The following IL2RB variants were observed in gnomAD, a reference collection of about 807,000 sequenced individuals.
The protein encoded by IL2RB is interleukin-2 receptor subunit beta.
Under a neutral mutation model 44.2 loss-of-function variants are expected in IL2RB, and 17 were observed. The ratio of observed to expected loss-of-function variants is 0.38; its 90% CI spans 0.26 to 0.58. The LOEUF (loss-of-function observed/expected upper bound fraction) is 0.58. Among genes scored for constraint, IL2RB ranks in the 20% least tolerant of loss-of-function variants. The pLI, the probability that IL2RB is intolerant of heterozygous loss-of-function variation, is 0.63. For missense variants in IL2RB, 624 were observed against 685.5 expected, an observed-to-expected ratio of 0.91 and a Z score of 1.00; for synonymous variants, 286 against 297.9, an observed-to-expected ratio of 0.96 and a Z score of 0.41.
Position 37,126,661 on chromosome 22 carries a change from G to A in IL2RB, c.*1435C>T, listed in dbSNP as rs1921127375. 1 of 152,356 alleles carries A rather than the reference G, an allele frequency of 6.6e-6. No individual in the cohort carries two copies. Among genetic ancestry groups the A allele is most frequent in the South Asian group, 2.1e-4 (1 of 4,830 alleles). 9.4% of individuals were successfully genotyped at this position (152,356 alleles called of 1,614,324 possible). On this transcript the variant is annotated 3_prime_UTR_variant, in exon 10 of 10. Transcript: ENST00000216223. ...GCTGTGAGCAAGGCCTGTAAGTGCA[G>A]GTGCCTGAGGGCTCCCAGGTCAGAG...
At chr22:37,136,017 C>T (rs1273600748) in intron 7 of IL2RB, among the ~76,000 whole-genome samples, 1 of 152,120 alleles carries the variant, frequency 6.6e-6, no homozygotes, top group Non-Finnish European at 1.5e-5. Context: ...CCTTTCGACC[C>T]CTCCCCAACT....
At chr22:37,145,874 C>T (rs1190016354) in intron 1 of IL2RB, among the ~76,000 whole-genome samples, 2 of 152,076 alleles carry the variant, frequency 1.3e-5, no homozygotes, top group Admixed American at 6.5e-5. Flanking sequence ...GCTCCAAACT[C>T]GAGCTCTCAC....
intron 1 of IL2RB, among the ~76,000 whole-genome samples, chr22:37,170,428 C>T (rs913457121): frequency 4.4e-4 from 67 of 151,996 alleles, no homozygotes; most frequent in African/African-American, 1.6e-3. Context: ...AGGCCAGCAG[C>T]GGGGGCAGAC....
chr22:37,150,212 CCCCCACG>C (rs1181009122), upstream of IL2RB, among the ~76,000 whole-genome samples: 23 of 151,966 alleles, frequency 1.5e-4, no homozygotes, highest in Non-Finnish European at 2.8e-4. Context: ...TCCTACATCA[CCCCCACG>C]CCAACTCACA....
At chr22:37,152,427 C>A (rs1190722302), upstream of IL2RB, among the ~76,000 whole-genome samples, 1 of 152,138 alleles carries the variant, frequency 6.6e-6, no homozygotes, top group Non-Finnish European at 1.5e-5. Context: ...TTGTATTCTG[C>A]AGCTTAACTG....
chr22:37,134,938 G>A (rs569861455), intron 8 of IL2RB, among the ~76,000 whole-genome samples: 6 of 152,174 alleles, frequency 3.9e-5, no homozygotes, highest in Admixed American at 6.5e-5. Context: ...TAGATGGACC[G>A]GCGGGGACCC....
intron 1 of IL2RB, among the ~76,000 whole-genome samples, chr22:37,162,425 C>G (rs1922913852): frequency 6.6e-6 from 1 of 152,208 alleles, no homozygotes; most frequent in Non-Finnish European, 1.5e-5. Context: ...TGCTGGAAGG[C>G]TACCTAAATG....
chr22:37,161,067 G>A (rs372289302), intron 1 of IL2RB, among the ~76,000 whole-genome samples: 142 of 152,310 alleles, frequency 9.3e-4, no homozygotes, highest in African/African-American at 3.0e-3. Context: ...CTTGAACCCC[G>A]GGAGGTGGAG....
intron 1 of IL2RB, among the ~76,000 whole-genome samples, chr22:37,170,022 G>A (rs1223683573): frequency 6.6e-6 from 1 of 150,976 alleles, no homozygotes; most frequent in Non-Finnish European, 1.5e-5. Context: ...GATCATGGAG[G>A]GAATGATGGA....
intron 8 of IL2RB, among the ~76,000 whole-genome samples, chr22:37,133,590 A>G (rs999164539): frequency 6.6e-6 from 1 of 152,186 alleles, no homozygotes; most frequent in African/African-American, 2.4e-5. Flanking sequence ...CAGGGCTCTC[A>G]TCAGGGGGCC....
chr22:37,169,597 C>A (rs937390092), intron 1 of IL2RB, among the ~76,000 whole-genome samples: 2 of 152,026 alleles, frequency 1.3e-5, no homozygotes, highest in Non-Finnish European at 2.9e-5. Flanking sequence ...TGAAGATCCC[C>A]CTTTGCATCC....
At chr22:37,159,382 T>C (rs932118245) in intron 1 of IL2RB, among the ~76,000 whole-genome samples, 6 of 151,644 alleles carry the variant, frequency 4.0e-5, no homozygotes, top group Non-Finnish European at 7.4e-5. Context: ...CACTCAAGAG[T>C]GACGATGCCC....
chr22:37,173,791 G>A (rs992373274), intron 1 of IL2RB, among the ~76,000 whole-genome samples: 8 of 152,152 alleles, frequency 5.3e-5, no homozygotes, highest in African/African-American at 1.7e-4. Flanking sequence ...TAGCTTTGGC[G>A]CTGCTGTAGC....
chr22:37,147,064 G>A (rs1922259775), intron 1 of IL2RB, among the ~76,000 whole-genome samples: 1 of 152,160 alleles, frequency 6.6e-6, no homozygotes, highest in Non-Finnish European at 1.5e-5. Context: ...ACTTGCTGAA[G>A]GTTACATCAG....
chr22:37,162,221 C>T (rs1202355817), intron 1 of IL2RB, among the ~76,000 whole-genome samples: 2 of 152,140 alleles, frequency 1.3e-5, no homozygotes, highest in African/African-American at 4.8e-5. Flanking sequence ...AGTGCCCGCC[C>T]CCACGGTTTT....
chr22:37,172,456 G>A (rs1923321652), intron 1 of IL2RB, among the ~76,000 whole-genome samples: 1 of 152,096 alleles, frequency 6.6e-6, no homozygotes, highest in Admixed American at 6.5e-5. Flanking sequence ...CCTTGGAGCC[G>A]TCAACCATCC....
chr22:37,151,380 T>C (rs2146255189), upstream of IL2RB, among the ~76,000 whole-genome samples: 1 of 152,362 alleles, frequency 6.6e-6, no homozygotes, highest in South Asian at 2.1e-4. Context: ...GAACTGTCTA[T>C]TCAGATCATT....
Position 37,132,368 on chromosome 22 carries a change from C to A in IL2RB, c.903+16G>T. 6.2e-7 allele frequency: 1 copy of A among 1,609,490 alleles called. No homozygotes were observed. Among genetic ancestry groups the A allele is most frequent in the Non-Finnish European group, 8.5e-7 (1 of 1,176,362 alleles). ...ACACCCCTGCCCACCTCTGTCTCCC[C>A]GCCCCGGCCTCCTACCTGGACGTCT... is the stretch of plus-strand genomic sequence containing the variant. On this transcript the variant is annotated intron_variant, in intron 9 of 9. Coordinates refer to ENST00000216223, the MANE Select transcript of IL2RB (RefSeq NM_000878.5).
rs1166939726 is a variant in IL2RB, at chr22:37,125,877, T to C, written c.*2219A>G. On this transcript the variant is annotated 3_prime_UTR_variant, in exon 10 of 10. Transcript: ENST00000216223. ...ACTTATTTTGTACAGTTACCTTTTATTTATAGCGAAAATGGGTTTTTTCAT... is the reference window on the plus strand; with the variant it reads ...ACTTATTTTGTACAGTTACCTTTTACTTATAGCGAAAATGGGTTTTTTCAT... 6.6e-6 allele frequency: 1 copy of C among 152,206 alleles called. No homozygotes were observed. Among genetic ancestry groups the C allele is most frequent in the African/African-American group, 2.4e-5 (1 of 41,440 alleles). The allele number at this position is 152,206 out of a possible 1,614,324, so 9.4% of individuals were successfully genotyped here. A position where few individuals can be genotyped will look rare whatever the true frequency, so the allele number is the denominator to read the frequency against.
Sources: gnomAD v4.1 joint callset for allele counts (sites outside exome capture counted in the v4.1 genomes callset) on GRCh38, gnomAD v4.1.1 for gene constraint, MANE v1.5 for transcripts, NCBI Gene and HGNC (gene_info 2026-07-23, HGNC 2026-07-21) for gene names.